Variants in SYT9 observed in about 807,000 individuals in gnomAD.
The protein encoded by SYT9 is synaptotagmin-9.
In SYT9, 22 loss-of-function variants were observed where a neutral mutation model predicts 48.4. The ratio of observed to expected loss-of-function variants is 0.45; its 90% confidence interval spans 0.32 to 0.65. The LOEUF is 0.65. SYT9 is among the 30% of genes least tolerant of loss of function. The probability of loss-of-function intolerance (pLI) is 0.03; values close to 1 mark genes in which losing one functional copy is unlikely to be tolerated. For synonymous variants in SYT9, 265 were observed against 245.0 expected (o/e 1.08, Z -0.76); for missense variants, 577 against 622.0 (o/e 0.93, Z 0.77).
intron 1 of SYT9, among the ~76,000 whole-genome samples, chr11:7,265,594 C>G (rs147055020): frequency 2.6e-5 from 4 of 151,440 alleles, no homozygotes; most frequent in South Asian, 4.2e-4. Flanking sequence ...CTCAAACTGT[C>G]TATGTAAAAC....
chr11:7,397,779 A>T (rs1846785388), intron 3 of SYT9, among the ~76,000 whole-genome samples: 2 of 152,162 alleles, frequency 1.3e-5, no homozygotes. Context: ...TGCATTGTTA[A>T]ATTTTACTCC....
At chr11:7,415,788 A>T (rs1015804008) in intron 3 of SYT9, among the ~76,000 whole-genome samples, 1 of 152,178 alleles carries the variant, frequency 6.6e-6, no homozygotes, top group African/African-American at 2.4e-5. Flanking sequence ...GACTGGATAC[A>T]TGGTGGCAGA....
chr11:7,281,396 G>A (rs1398809909), intron 1 of SYT9, among the ~76,000 whole-genome samples: 1 of 152,206 alleles, frequency 6.6e-6, no homozygotes, highest in East Asian at 1.9e-4. Context: ...CCCCTCTCAT[G>A]TTGCATCCTA....
intron 3 of SYT9, among the ~76,000 whole-genome samples, chr11:7,353,191 G>A (rs963852905): frequency 6.6e-6 from 1 of 152,128 alleles, no homozygotes; most frequent in Non-Finnish European, 1.5e-5. Context: ...TCTGTCAGCA[G>A]AGGGCACAGG....
chr11:7,416,848 A>C lies in SYT9; in HGVS notation c.1165+686A>C, dbSNP rs1468742460. On this transcript the variant is annotated intron_variant, in intron 4 of 6. Transcript: ENST00000318881. ...TGAATTGGACCTACCATTTACACAC[A>C]CTGATAAAGCTTATCTAATTGGGTC... 2.0e-5 allele frequency among the ~76,000 whole-genome samples: 3 copies of C among 152,178 alleles called. No individual in the cohort carries two copies. The East Asian group carries it at 5.8e-4, about 29-fold the overall frequency.
At chr11:7,454,998 G>T (rs964057275) in intron 6 of SYT9, among the ~76,000 whole-genome samples, 1 of 152,188 alleles carries the variant, frequency 6.6e-6, no homozygotes, top group Non-Finnish European at 1.5e-5. Context: ...GAGAGAAAAC[G>T]AATTCAGCTA....
chr11:7,294,028 C>T (rs908027573), intron 1 of SYT9, among the ~76,000 whole-genome samples: 1 of 152,196 alleles, frequency 6.6e-6, no homozygotes, highest in African/African-American at 2.4e-5. Context: ...AAAATTATTT[C>T]TCACAGTTCT....
intron 3 of SYT9, among the ~76,000 whole-genome samples, chr11:7,370,989 G>A (rs960189948): frequency 2.0e-5 from 3 of 152,090 alleles, no homozygotes; most frequent in African/African-American, 7.2e-5. Flanking sequence ...CCATATTTTT[G>A]AGATACTTAT....
intron 3 of SYT9, among the ~76,000 whole-genome samples, chr11:7,337,192 T>A (rs1349060009): frequency 6.6e-6 from 1 of 152,122 alleles, no homozygotes; most frequent in East Asian, 1.9e-4. Flanking sequence ...TATATGTTGA[T>A]TTTTGTATCC....
At chr11:7,422,518 A>G (rs929892841) in intron 6 of SYT9, among the ~76,000 whole-genome samples, 3 of 152,142 alleles carry the variant, frequency 2.0e-5, no homozygotes, top group African/African-American at 7.2e-5. Context: ...CTGTGGGCTC[A>G]TTAGATTTTG....
At chr11:7,318,219 T>G (rs1849275508) in intron 3 of SYT9, among the ~76,000 whole-genome samples, 1 of 152,160 alleles carries the variant, frequency 6.6e-6, no homozygotes, top group South Asian at 2.1e-4. Flanking sequence ...TTTTAAATGT[T>G]ATCTTCTCTA....
At chr11:7,322,228 T>C (rs1367696885) in intron 3 of SYT9, among the ~76,000 whole-genome samples, 1 of 152,160 alleles carries the variant, frequency 6.6e-6, no homozygotes, top group Non-Finnish European at 1.5e-5. Flanking sequence ...TCACCCACAA[T>C]TGACTCCCCA....
chr11:7,348,275 A>G (rs944181761), intron 3 of SYT9, among the ~76,000 whole-genome samples: 2 of 152,120 alleles, frequency 1.3e-5, no homozygotes, highest in South Asian at 4.1e-4. Context: ...AGTCTCTATT[A>G]ATCTGTTCCC....
At chr11:7,243,017 A>G (rs11041275) in intron 1 of SYT9, among the ~76,000 whole-genome samples, 19,487 of 151,994 alleles carry the variant, frequency 0.13, 1,331 homozygotes, top group Admixed American at 0.18. Flanking sequence ...TTGCACTCCA[A>G]CCTGGGTGAT....
intron 1 of SYT9, among the ~76,000 whole-genome samples, chr11:7,293,273 CA>C (rs942251215): frequency 1.3e-4 from 19 of 151,514 alleles, no homozygotes; most frequent in African/African-American, 4.4e-4. Flanking sequence ...GTGTCAGTCA[CA>C]AAAAAAAATT....
At chr11:7,386,784 A>C (rs192262155) in intron 3 of SYT9, among the ~76,000 whole-genome samples, 2,921 of 152,292 alleles carry the variant, frequency 0.019, 74 homozygotes, top group African/African-American at 0.06. Flanking sequence ...TTGACCCAGC[A>C]ATCCCATTAC....
intron 3 of SYT9, among the ~76,000 whole-genome samples, chr11:7,349,664 T>A (rs1197875287): frequency 6.6e-6 from 1 of 152,232 alleles, no homozygotes; most frequent in Non-Finnish European, 1.5e-5. Context: ...ATTGCCTATA[T>A]GCCAGACCCC....
chr11:7,407,108 A>G (rs1847030073), intron 3 of SYT9, among the ~76,000 whole-genome samples: 1 of 152,114 alleles, frequency 6.6e-6, no homozygotes, highest in East Asian at 1.9e-4. Flanking sequence ...CTAGTCCCTC[A>G]TAGGATGAGT....
At chr11:7,454,144 C>T in intron 6 of SYT9, 2 of 985,436 alleles carry the variant, frequency 2.0e-6, no homozygotes, top group Non-Finnish European at 2.4e-6. Context: ...TACCTGATTT[C>T]CAGCCCTTGA....
Sources: gnomAD v4.1 joint callset for allele counts (sites outside exome capture counted in the v4.1 genomes callset) on GRCh38, gnomAD v4.1.1 for gene constraint, MANE v1.5 for transcripts, NCBI Gene and HGNC (gene_info 2026-07-23, HGNC 2026-07-21) for gene names.